The following LRP1B variants were observed in gnomAD, a reference collection of about 807,000 sequenced individuals.
LRP1B encodes low-density lipoprotein receptor-related protein 1B.
Under a neutral mutation model 556.6 loss-of-function variants are expected in LRP1B, and 217 were observed. The observed-to-expected ratio is 0.39, with a 90% CI of 0.35 to 0.44. The LOEUF is 0.44. Among genes scored for constraint, LRP1B ranks in the 20% least tolerant of loss-of-function variants. The pLI, the probability that LRP1B is intolerant of heterozygous loss-of-function variation, is 1.00. For synonymous variants in LRP1B, 2,047 were observed against 1,865.8 expected, an observed-to-expected ratio of 1.10 and a Z score of -2.50; for missense variants, 5,053 against 5,620.8, an observed-to-expected ratio of 0.90 and a Z score of 3.23.
At chr2:141,713,938 G>C (rs1170473539) in intron 2 of LRP1B, among the ~76,000 whole-genome samples, 1 of 152,120 alleles carries the variant, frequency 6.6e-6, no homozygotes, top group African/African-American at 2.4e-5. Flanking sequence ...ACCCAGATCT[G>C]CCAAATGTAT....
At chr2:142,005,120 A>G (rs1221728694) in intron 1 of LRP1B, among the ~76,000 whole-genome samples, 2 of 148,706 alleles carry the variant, frequency 1.3e-5, no homozygotes, top group Admixed American at 6.7e-5. Flanking sequence ...TTTACTATAT[A>G]TAACTATATA....
chr2:142,106,410 G>A (rs967392880), intron 1 of LRP1B, among the ~76,000 whole-genome samples: 5 of 152,104 alleles, frequency 3.3e-5, no homozygotes, highest in African/African-American at 1.2e-4. Flanking sequence ...GTCATAAGCT[G>A]TAATTAGTTA....
intron 15 of LRP1B, among the ~76,000 whole-genome samples, chr2:140,994,350 G>A (rs143565353): frequency 2.8e-4 from 42 of 151,026 alleles, no homozygotes; most frequent in Non-Finnish European, 5.2e-4. Flanking sequence ...TCTAAAGGCC[G>A]AGTAATATTC....
chr2:140,836,567 A>G (rs1370441031), intron 31 of LRP1B, among the ~76,000 whole-genome samples: 1 of 152,118 alleles, frequency 6.6e-6, no homozygotes, highest in Non-Finnish European at 1.5e-5. Flanking sequence ...AATGCTACCA[A>G]AGGAGATGTT....
At chr2:141,329,745 T>C (rs959723929) in intron 3 of LRP1B, among the ~76,000 whole-genome samples, 5 of 152,052 alleles carry the variant, frequency 3.3e-5, no homozygotes, top group African/African-American at 1.2e-4. Flanking sequence ...TGAGGTATCA[T>C]GAATCGGGAT....
chr2:141,453,294 A>G (rs570768101), intron 3 of LRP1B, among the ~76,000 whole-genome samples: 8 of 152,228 alleles, frequency 5.3e-5, no homozygotes, highest in African/African-American at 1.7e-4. Context: ...AAAATAATAC[A>G]TATTTAGATA....
chr2:140,463,134 T>C (rs551899980), intron 60 of LRP1B, among the ~76,000 whole-genome samples: 1 of 152,218 alleles, frequency 6.6e-6, no homozygotes, highest in South Asian at 2.1e-4. Context: ...TAGAAAGTGA[T>C]TTAACGTGAC....
intron 12 of LRP1B, among the ~76,000 whole-genome samples, chr2:141,018,484 A>T (rs957139751): frequency 6.6e-6 from 1 of 152,130 alleles, no homozygotes; most frequent in East Asian, 1.9e-4. Context: ...TAATCTGGAT[A>T]CCTACAAACT....
At chr2:142,046,653 T>C (rs924681139) in intron 1 of LRP1B, among the ~76,000 whole-genome samples, 2 of 151,998 alleles carry the variant, frequency 1.3e-5, no homozygotes, top group African/African-American at 4.8e-5. Flanking sequence ...TAAAAATGTG[T>C]TGGCCATTGA....
At chr2:141,013,433 G>T in intron 14 of LRP1B, 123 bp downstream of exon 14, 3 of 741,654 alleles carry the variant, frequency 4.0e-6, no homozygotes, top group Non-Finnish European at 6.2e-6. Flanking sequence ...GATTGACTTT[G>T]GAGGGAATTT....
chr2:141,575,828 G>C (rs1208606739), intron 2 of LRP1B, among the ~76,000 whole-genome samples: 1 of 151,300 alleles, frequency 6.6e-6, no homozygotes, highest in Non-Finnish European at 1.5e-5. Context: ...ATATTTATGT[G>C]GGCAACATGT....
chr2:141,496,969 G>A (rs1338645218), intron 2 of LRP1B, among the ~76,000 whole-genome samples: 1 of 151,882 alleles, frequency 6.6e-6, no homozygotes, highest in Non-Finnish European at 1.5e-5. Flanking sequence ...CTGACAGCTC[G>A]GTTCAAATTT....
intron 3 of LRP1B, among the ~76,000 whole-genome samples, chr2:141,295,791 A>ACACACACACACACACACACACAC (rs70991154): frequency 7.0e-6 from 1 of 142,466 alleles, no homozygotes; most frequent in Admixed American, 7.0e-5. Flanking sequence ...ACACACACAC[A>ACACACACACACACACACACACAC]TAACAGTGGG....
intron 83 of LRP1B, among the ~76,000 whole-genome samples, chr2:140,314,254 T>A (rs1258603705): frequency 6.6e-6 from 1 of 152,008 alleles, no homozygotes; most frequent in Non-Finnish European, 1.5e-5. Context: ...AATTTGCAAA[T>A]TAGATTTTTA....
intron 1 of LRP1B, among the ~76,000 whole-genome samples, chr2:141,872,525 G>A (rs1326454001): frequency 2.0e-5 from 3 of 151,824 alleles, no homozygotes; most frequent in African/African-American, 7.2e-5. Context: ...GAAAACAAAA[G>A]ATAGAATTAA....
intron 41 of LRP1B, among the ~76,000 whole-genome samples, chr2:140,674,423 A>G (rs930372968): frequency 1.3e-5 from 2 of 151,964 alleles, no homozygotes; most frequent in African/African-American, 4.8e-5. Flanking sequence ...CATCTATGAG[A>G]CTCCATCTAC....
chr2:141,995,662 C>A (rs1702469817), intron 1 of LRP1B, among the ~76,000 whole-genome samples: 1 of 152,146 alleles, frequency 6.6e-6, no homozygotes, highest in Admixed American at 6.6e-5. Context: ...CCCATAGTTT[C>A]ATGTACTTGT....
intron 2 of LRP1B, among the ~76,000 whole-genome samples, chr2:141,737,584 T>C (rs1693532515): frequency 6.6e-6 from 1 of 152,176 alleles, no homozygotes; most frequent in Non-Finnish European, 1.5e-5. Context: ...CATATAATTA[T>C]GTCAGCTCAG....
intron 6 of LRP1B, among the ~76,000 whole-genome samples, chr2:141,211,777 G>A (rs376964863): frequency 2.3e-4 from 35 of 152,212 alleles, no homozygotes; most frequent in African/African-American, 8.2e-4. Context: ...TAAGCATATG[G>A]TATCAGGAAG....
Sources: gnomAD v4.1 joint callset for allele counts (sites outside exome capture counted in the v4.1 genomes callset) on GRCh38, gnomAD v4.1.1 for gene constraint, MANE v1.5 for transcripts, NCBI Gene and HGNC (gene_info 2026-07-23, HGNC 2026-07-21) for gene names.